ADAMTS16: variants seen among roughly 807,000 people sequenced by gnomAD.
ADAMTS16 encodes A disintegrin and metalloproteinase with thrombospondin motifs 16.
ADAMTS16 carries 94 observed loss-of-function variants against 145.8 expected under a neutral mutation model. That is an observed-to-expected ratio of 0.64 (90% CI 0.55 to 0.77). The LOEUF (loss-of-function observed/expected upper bound fraction) is 0.77. ADAMTS16 is among the 30% of genes least tolerant of loss of function. The pLI is 0.00. For missense variants in ADAMTS16, 1,585 were observed against 1,591.5 expected, an observed-to-expected ratio of 1.00 and a Z score of 0.07; for synonymous variants, 659 against 604.3, an observed-to-expected ratio of 1.09 and a Z score of -1.33.
At chr5:5,156,373 T>C (rs1380603404) in intron 3 of ADAMTS16, among the ~76,000 whole-genome samples, 1 of 152,184 alleles carries the variant, frequency 6.6e-6, no homozygotes, top group Non-Finnish European at 1.5e-5. Context: ...GAATGAATGA[T>C]TTTTGCAATG....
intron 18 of ADAMTS16, among the ~76,000 whole-genome samples, chr5:5,292,332 C>T (rs1250147232): frequency 6.6e-6 from 1 of 151,856 alleles, no homozygotes; most frequent in Non-Finnish European, 1.5e-5. Context: ...TCCATCTCTA[C>T]TAAAAATACA....
intron 18 of ADAMTS16, among the ~76,000 whole-genome samples, chr5:5,263,883 C>T (rs1738131775): frequency 6.6e-6 from 1 of 152,190 alleles, no homozygotes; most frequent in Non-Finnish European, 1.5e-5. Flanking sequence ...AGCTCTTGTC[C>T]ACCATCCAAG....
intron 18 of ADAMTS16, among the ~76,000 whole-genome samples, chr5:5,266,255 G>C (rs751199801): frequency 2.6e-5 from 4 of 152,114 alleles, no homozygotes; most frequent in Non-Finnish European, 5.9e-5. Flanking sequence ...ACAGGAACAA[G>C]CTACCAATGT....
At chr5:5,167,731 G>T (rs765594592) in intron 3 of ADAMTS16, among the ~76,000 whole-genome samples, 1 of 152,198 alleles carries the variant, frequency 6.6e-6, no homozygotes, top group African/African-American at 2.4e-5. Flanking sequence ...ATTACCCAGG[G>T]TTCCAGAGCC....
intron 9 of ADAMTS16, among the ~76,000 whole-genome samples, chr5:5,202,951 A>G (rs933783524): frequency 3.3e-5 from 5 of 152,228 alleles, no homozygotes; most frequent in African/African-American, 1.2e-4. Context: ...AAGACATAAT[A>G]TAGTCCTAAG....
intron 18 of ADAMTS16, among the ~76,000 whole-genome samples, chr5:5,298,500 G>A (rs947794281): frequency 6.6e-6 from 1 of 152,134 alleles, no homozygotes; most frequent in Non-Finnish European, 1.5e-5. Context: ...AAGTAATAAG[G>A]CCCTTGGCCA....
chr5:5,232,340 G>A (rs777950758), intron 11 of ADAMTS16, 28 bp from the exon 12 acceptor site: 1 of 1,613,752 alleles, frequency 6.2e-7, no homozygotes, highest in Admixed American at 1.7e-5. Flanking sequence ...TGTGAGTCAA[G>A]TCAACTTATT....
chr5:5,170,539 C>T (rs1329121056), intron 3 of ADAMTS16, among the ~76,000 whole-genome samples: 1 of 151,964 alleles, frequency 6.6e-6, no homozygotes, highest in Admixed American at 6.6e-5. Flanking sequence ...CCATCATACC[C>T]GGCTAATTTT....
intron 3 of ADAMTS16, among the ~76,000 whole-genome samples, chr5:5,168,230 AT>A: frequency 6.6e-6 from 1 of 151,900 alleles, no homozygotes; most frequent in Middle Eastern, 3.4e-3. Flanking sequence ...ACCTTTTAAT[AT>A]TTTCCTTCAT....
intron 21 of ADAMTS16, among the ~76,000 whole-genome samples, chr5:5,308,472 T>A (rs994397444): frequency 2.6e-5 from 4 of 152,144 alleles, no homozygotes; most frequent in African/African-American, 9.7e-5. Flanking sequence ...CTGTACCAGG[T>A]GTTGCTGTGA....
chr5:5,301,106 C>T, intron 18 of ADAMTS16, among the ~76,000 whole-genome samples: 1 of 152,176 alleles, frequency 6.6e-6, no homozygotes, highest in Non-Finnish European at 1.5e-5. Context: ...GAGTCCCGCT[C>T]TGTCACCCAG....
chr5:5,280,293 A>T (rs1185617241), intron 18 of ADAMTS16, among the ~76,000 whole-genome samples: 2 of 151,844 alleles, frequency 1.3e-5, no homozygotes, highest in Non-Finnish European at 2.9e-5. Context: ...CTCCCAAATT[A>T]TTTCCTCCAG....
chr5:5,278,118 G>A (rs764127564), intron 18 of ADAMTS16, among the ~76,000 whole-genome samples: 2 of 152,110 alleles, frequency 1.3e-5, no homozygotes, highest in African/African-American at 4.8e-5. Context: ...TAGTGACCAC[G>A]TGAACATTGT....
At chr5:5,192,635 C>G (rs1214009419) in intron 8 of ADAMTS16, among the ~76,000 whole-genome samples, 1 of 152,146 alleles carries the variant, frequency 6.6e-6, no homozygotes, top group Non-Finnish European at 1.5e-5. Flanking sequence ...GCCCCACGAG[C>G]CTGGGGGCTC....
chr5:5,188,414 G>A (rs899031377), intron 6 of ADAMTS16, among the ~76,000 whole-genome samples: 6 of 152,176 alleles, frequency 3.9e-5, no homozygotes, highest in Admixed American at 1.3e-4. Flanking sequence ...TGGGACCCCC[G>A]TAAATGCATA....
intron 3 of ADAMTS16, among the ~76,000 whole-genome samples, chr5:5,170,031 A>T (rs1339869147): frequency 2.0e-5 from 3 of 152,350 alleles, no homozygotes; most frequent in African/African-American, 7.2e-5. Flanking sequence ...GAGTGCAGAT[A>T]TCTCTTCGAT....
At chr5:5,161,915 T>C (rs887282809) in intron 3 of ADAMTS16, among the ~76,000 whole-genome samples, 1 of 152,206 alleles carries the variant, frequency 6.6e-6, no homozygotes, top group Admixed American at 6.6e-5. Context: ...GCATTATTTA[T>C]CTTACTGTTC....
chr5:5,164,558 T>C (rs1006690960), intron 3 of ADAMTS16, among the ~76,000 whole-genome samples: 4 of 152,222 alleles, frequency 2.6e-5, no homozygotes, highest in Non-Finnish European at 5.9e-5. Context: ...CACAATGCCC[T>C]GGGCACCAAG....
chr5:5,156,882 T>C (rs1174377169), intron 3 of ADAMTS16, among the ~76,000 whole-genome samples: 1 of 152,206 alleles, frequency 6.6e-6, no homozygotes, highest in African/African-American at 2.4e-5. Flanking sequence ...CTGTCCTTCG[T>C]GATTGTGGAC....
Sources: allele counts gnomAD v4.1 joint callset (sites outside exome capture counted in the v4.1 genomes callset), GRCh38; gene constraint gnomAD v4.1.1; transcripts MANE v1.5; gene names NCBI Gene and HGNC (gene_info 2026-07-23, HGNC 2026-07-21).